Variants in ATL1 observed in about 807,000 individuals in gnomAD.
ATL1 encodes atlastin GTPase 1.
A neutral mutation model predicts 75.5 loss-of-function variants in ATL1; 31 were observed. The observed-to-expected ratio is 0.41, with a 90% CI of 0.31 to 0.55. The LOEUF (loss-of-function observed/expected upper bound fraction) is 0.55. Among genes scored for constraint, ATL1 ranks in the 20% least tolerant of loss-of-function variants. The pLI is 0.27. For synonymous variants in ATL1, 226 were observed against 233.3 expected, an observed-to-expected ratio of 0.97 and a Z score of 0.28; for missense variants, 405 against 662.6, an observed-to-expected ratio of 0.61 and a Z score of 4.27.
chr14:50,560,554 C>G (rs777890966), intron 1 of ATL1: 68 of 542,620 alleles, frequency 1.3e-4, no homozygotes, highest in Admixed American at 4.1e-4. Flanking sequence ...TTCCCCACCC[C>G]CCTCCCGCCT....
intron 12 of ATL1, among the ~76,000 whole-genome samples, chr14:50,629,595 A>C (rs1440602488): frequency 1.3e-5 from 2 of 151,990 alleles, no homozygotes; most frequent in Admixed American, 6.6e-5. Flanking sequence ...AAAAAAAAAA[A>C]AAAAACCCTA....
chr14:50,578,498 C>G lies in ATL1; in HGVS notation c.35-9333C>G, dbSNP rs888146240. Among the ~76,000 whole-genome samples the G allele has an allele frequency of 2.0e-5, 3 of 152,176 alleles. No homozygotes were observed. In the East Asian group the frequency reaches 5.8e-4, roughly 29 times the overall value. On this transcript the variant is annotated intron_variant, in intron 1 of 13. Transcript: ENST00000358385. ...AAATCCTTTCATATTTGTGCTCTGT[C>G]TTACTCTTCCTGACCTGGCCCCTCA... is the stretch of plus-strand genomic sequence containing the variant.
chr14:50,573,486 C>A (rs936267224), intron 1 of ATL1, among the ~76,000 whole-genome samples: 1 of 152,184 alleles, frequency 6.6e-6, no homozygotes, highest in African/African-American at 2.4e-5. Flanking sequence ...CAATACTGAG[C>A]AGTTCATGTT....
intron 1 of ATL1, among the ~76,000 whole-genome samples, chr14:50,581,818 G>T (rs1297838797): frequency 6.6e-6 from 1 of 152,074 alleles, no homozygotes; most frequent in South Asian, 2.1e-4. Flanking sequence ...GATAGGTAAG[G>T]CTGGCTACTG....
At chr14:50,578,973 C>T (rs562865145) in intron 1 of ATL1, among the ~76,000 whole-genome samples, 1 of 152,256 alleles carries the variant, frequency 6.6e-6, no homozygotes, top group African/African-American at 2.4e-5. Context: ...AATTATTACA[C>T]TTTTGATCTT....
At chr14:50,626,735 A>G (rs1258042495) in intron 11 of ATL1, among the ~76,000 whole-genome samples, 1 of 152,216 alleles carries the variant, frequency 6.6e-6, no homozygotes, top group African/African-American at 2.4e-5. Context: ...TATCACCTTA[A>G]TATTTCTTTA....
intron 6 of ATL1, among the ~76,000 whole-genome samples, chr14:50,609,134 C>T (rs2039340414): frequency 6.6e-6 from 1 of 151,992 alleles, no homozygotes; most frequent in African/African-American, 2.4e-5. Flanking sequence ...AGGGCCACAA[C>T]TATTATCAAC....
At chr14:50,584,104 G>C in intron 1 of ATL1, among the ~76,000 whole-genome samples, 1 of 152,210 alleles carries the variant, frequency 6.6e-6, no homozygotes, top group Non-Finnish European at 1.5e-5. Context: ...TCTGGGCACC[G>C]TGGTTCATCC....
chr14:50,534,883 G>A (rs7160095), intron 1 of ATL1, among the ~76,000 whole-genome samples: 151,365 of 152,376 alleles, frequency 0.99, 75,194 homozygotes, highest in Middle Eastern at 1. Flanking sequence ...TTACTTAAAT[G>A]TACACTGAGT....
chr14:50,553,600 G>A (rs1330598490), intron 1 of ATL1, among the ~76,000 whole-genome samples: 1 of 152,076 alleles, frequency 6.6e-6, no homozygotes, highest in Non-Finnish European at 1.5e-5. Context: ...CCCACTACTG[G>A]GTGTTTACCC....
At chr14:50,596,012 A>G (rs1337139258) in intron 6 of ATL1, among the ~76,000 whole-genome samples, 1 of 152,212 alleles carries the variant, frequency 6.6e-6, no homozygotes, top group Non-Finnish European at 1.5e-5. Context: ...TGTATTAAAC[A>G]TAAGAATGTG....
At chr14:50,537,536 C>T (rs1459184947) in intron 1 of ATL1, among the ~76,000 whole-genome samples, 1 of 152,208 alleles carries the variant, frequency 6.6e-6, no homozygotes, top group Non-Finnish European at 1.5e-5. Context: ...CCACTGACAG[C>T]TTGCACCGTG....
chr14:50,560,278 C>A lies in ATL1; in HGVS notation c.13C>A (p.Arg5Ser). 6.2e-7 allele frequency: 1 copy of A among 1,614,000 alleles called. No homozygotes were observed. The highest frequency in any genetic ancestry group is 8.5e-7 in the Non-Finnish European group (1 of 1,179,902). Residue 5 changes from arginine to serine, a missense_variant, in exon 1 of 14, where the codon CGC becomes AGC. Arg to Ser is a moderately radical substitution (Grantham distance 110). Around this residue, in one of 5 missense-constraint regions of ATL1, gnomAD observed 126 missense variants for 172.0 expected, o/e 0.73. Coordinates refer to ENST00000358385, the MANE Select transcript of ATL1 (RefSeq NM_015915.5). The stretch of plus-strand genomic sequence containing the variant: ...CTCCTGGACCACCATGGCCAAGAAC[C>A]GCAGGGACAGAAACAGTTGGGGTGA... MAKN[R>S]RDRNSWGGFS...
intron 6 of ATL1, among the ~76,000 whole-genome samples, chr14:50,597,897 A>G (rs2039236297): frequency 1.3e-5 from 2 of 152,068 alleles, no homozygotes; most frequent in South Asian, 4.1e-4. Context: ...GGGTTTCACC[A>G]TGTTAACCAG....
intron 8 of ATL1, among the ~76,000 whole-genome samples, chr14:50,615,484 C>G (rs1012983962): frequency 2.6e-5 from 4 of 152,176 alleles, no homozygotes; most frequent in Non-Finnish European, 4.4e-5. Context: ...ATGACATTTA[C>G]TCTCAGATAC....
chr14:50,631,352 T>C (rs1291354196), intron 13 of ATL1, among the ~76,000 whole-genome samples: 1 of 152,052 alleles, frequency 6.6e-6, no homozygotes, highest in African/African-American at 2.4e-5. Context: ...TGGAATTTCC[T>C]GGGAACAGAT....
At chr14:50,541,451 T>C (rs1267995793) in intron 1 of ATL1, among the ~76,000 whole-genome samples, 1 of 152,226 alleles carries the variant, frequency 6.6e-6, no homozygotes, top group Non-Finnish European at 1.5e-5. Context: ...CCTTGTATCA[T>C]CCACCTTAAA....
chr14:50,589,969 A>T (rs2039140502), intron 2 of ATL1, among the ~76,000 whole-genome samples: 2 of 152,218 alleles, frequency 1.3e-5, no homozygotes, highest in South Asian at 4.1e-4. Context: ...AAATGGGGGT[A>T]ACTACTATCA....
chr14:50,563,177 G>A (rs918247159), intron 1 of ATL1, among the ~76,000 whole-genome samples: 7 of 152,122 alleles, frequency 4.6e-5, no homozygotes, highest in African/African-American at 1.7e-4. Context: ...AACCTCTTAA[G>A]TATGTGTCTT....
Sources: gnomAD v4.1 joint callset for allele counts (sites outside exome capture counted in the v4.1 genomes callset) on GRCh38, gnomAD v4.1.1 for gene constraint, gnomAD v4.1.1 regional missense constraint, MANE v1.5 for transcripts, NCBI Gene and HGNC (gene_info 2026-07-23, HGNC 2026-07-21) for gene names.